Variants in THBS2 observed in about 807,000 individuals in gnomAD.
The protein encoded by THBS2 is thrombospondin-2.
Under a neutral mutation model 135.2 loss-of-function variants are expected in THBS2, and 47 were observed. The observed-to-expected ratio is 0.35, with a 90% confidence interval of 0.28 to 0.44. THBS2 has a LOEUF of 0.44. Among genes scored for constraint, THBS2 ranks in the 20% least tolerant of loss-of-function variants. The pLI is 1.00. For missense variants in THBS2, 1,288 were observed against 1,603.1 expected (o/e 0.80, Z 3.36); for synonymous variants, 639 against 633.8 (o/e 1.01, Z -0.12).
chr6:169,240,829 G>A (rs975128483), intron 5 of THBS2, among the ~76,000 whole-genome samples: 1 of 152,170 alleles, frequency 6.6e-6, no homozygotes, highest in African/African-American at 2.4e-5. Context: ...CCTTCCTGGA[G>A]AGCGGAAATC....
chr6:169,253,168 A>G (rs1780810325), intron 1 of THBS2, among the ~76,000 whole-genome samples: 1 of 152,214 alleles, frequency 6.6e-6, no homozygotes, highest in South Asian at 2.1e-4. Flanking sequence ...AATGTTAACA[A>G]TCAGAGTCTC....
rs1052960312 is a variant in THBS2, at chr6:169,252,388, C to T, written c.-23+1336G>A. On this transcript the variant is annotated intron_variant, in intron 1 of 21. Coordinates refer to ENST00000617924, the MANE Select transcript of THBS2 (RefSeq NM_003247.5). This position sits in a 1 kb window ranked among gnomAD's most constrained non-coding sequence, Gnocchi z 4.3. Reference sequence around the variant, plus strand: ...CCCACCTCCCCACCTCATCAGCCCACACTGCCGGGTACGTCGCAGTCCCCT... The same window carrying T: ...CCCACCTCCCCACCTCATCAGCCCATACTGCCGGGTACGTCGCAGTCCCCT... Among the ~76,000 whole-genome samples, 8 of 152,212 alleles carry T rather than the reference C, an allele frequency of 5.3e-5. No individual in the cohort carries two copies. Among genetic ancestry groups the T allele is most frequent in the Non-Finnish European group, 1.2e-4 (8 of 68,040 alleles).
In THBS2 at chr6:169,220,352, TAAA is replaced by T. The variant is rs754895080; in HGVS notation, c.3372-18_3372-16del. The stretch of plus-strand genomic sequence containing the variant: ...GCACTAAGACTCTAAAAATGGTGTT[TAAA>T]AAGAAGAAGAGGAAAGAAAGACAAC... On this transcript the variant is annotated splice_polypyrimidine_tract_variant and intron_variant, in intron 20 of 21. Coordinates refer to ENST00000617924, the MANE Select transcript of THBS2 (RefSeq NM_003247.5). 1.3e-6 allele frequency: 2 copies of T among 1,588,534 alleles called. No individual in the cohort carries two copies. Among genetic ancestry groups the T allele is most frequent in the South Asian group, 2.3e-5 (2 of 88,820 alleles).
rs1780785881 is a variant in THBS2, at chr6:169,252,383, G to A, written c.-23+1341C>T. ...CTCTTCCCACCTCCCCACCTCATCA[G>A]CCCACACTGCCGGGTACGTCGCAGT... On this transcript the variant is annotated intron_variant, in intron 1 of 21. Transcript: ENST00000617924. This position sits in a 1 kb window ranked among gnomAD's most constrained non-coding sequence, Gnocchi z 4.3. Among the ~76,000 whole-genome samples the A allele has an allele frequency of 2.0e-5, 3 of 152,156 alleles. No individual in the cohort carries two copies. The highest frequency in any genetic ancestry group is 7.2e-5 in the African/African-American group (3 of 41,440).
chr6:169,233,108 G>A, intron 10 of THBS2, 91 bp from the exon 11 acceptor site: 1 of 1,417,414 alleles, frequency 7.1e-7, no homozygotes, highest in East Asian at 2.5e-5. Context: ...ACTCTGGGAT[G>A]TCTTTGTCAT....
In THBS2 at chr6:169,225,129, C is replaced by T. The variant is rs1375807057; in HGVS notation, c.2773+16G>A. On this transcript the variant is annotated intron_variant, in intron 17 of 21. Coordinates refer to ENST00000617924, the MANE Select transcript of THBS2 (RefSeq NM_003247.5). ...AGCCATTTTCCTCCACGCCCATGAGCTGAGAGAGCACCCACCGTCCAAGTC... is the reference window on the plus strand; with the variant it reads ...AGCCATTTTCCTCCACGCCCATGAGTTGAGAGAGCACCCACCGTCCAAGTC... 6.2e-7 allele frequency: 1 copy of T among 1,613,148 alleles called. No individual in the cohort carries two copies. The highest frequency in any genetic ancestry group is 1.3e-5 in the African/African-American group (1 of 75,028).
At chr6:169,239,891 A>G (rs925019652) in intron 6 of THBS2, among the ~76,000 whole-genome samples, 196 bp from the exon 7 acceptor site, 2 of 152,182 alleles carry the variant, frequency 1.3e-5, no homozygotes, top group Admixed American at 6.5e-5. Flanking sequence ...GGGCCCCCAG[A>G]TGGCTCTTTG....
chr6:169,230,878 C>A (rs61466784), intron 13 of THBS2, among the ~76,000 whole-genome samples: 30,944 of 151,808 alleles, frequency 0.2, 3,361 homozygotes, highest in African/African-American at 0.26. Flanking sequence ...TTTAATCAAG[C>A]GGGACTGACA....
chr6:169,223,377 C>T lies in THBS2; in HGVS notation c.2872G>A (p.Asp958Asn). The change falls in exon 18 of 22, where the codon GAC becomes AAC. Residue 958 changes from aspartate (D) to asparagine (N), a missense_variant. By Grantham distance (23) the Asp-to-Asn change is conservative. Coordinates refer to ENST00000617924, the MANE Select transcript of THBS2 (RefSeq NM_003247.5). Reference protein sequence around the residue: ...CPENNAISETDFRNFQMVPLD... With the variant: ...CPENNAISETNFRNFQMVPLD... Reference sequence around the variant, plus strand: ...GGGACCATCTGGAAGTTCCTGAAGTCTGTCTCACTGATGGCATTGTTTTCA... The same window carrying T: ...GGGACCATCTGGAAGTTCCTGAAGTTTGTCTCACTGATGGCATTGTTTTCA... 6.2e-7 allele frequency: 1 copy of T among 1,614,196 alleles called. No homozygotes were observed. Among genetic ancestry groups the T allele is most frequent in the Non-Finnish European group, 8.5e-7 (1 of 1,180,046 alleles).
At chr6:169,228,952 A>G (rs184175387) in intron 14 of THBS2, among the ~76,000 whole-genome samples, 2 of 151,750 alleles carry the variant, frequency 1.3e-5, no homozygotes, top group Non-Finnish European at 1.5e-5. Flanking sequence ...CACTTTTTCC[A>G]TATCAAATCA....
chr6:169,229,726 G>A (rs201232461), intron 13 of THBS2, 47 bp from the exon 14 acceptor site: 30 of 1,491,968 alleles, frequency 2.0e-5, no homozygotes, highest in African/African-American at 5.5e-5. Context: ...TTAGGAAAGC[G>A]CCTCTTTCAG....
At chr6:169,249,802 G>A (rs746820626) in intron 2 of THBS2, among the ~76,000 whole-genome samples, 33 of 152,134 alleles carry the variant, frequency 2.2e-4, no homozygotes, top group Non-Finnish European at 4.0e-4. Flanking sequence ...AGGCCGAGGT[G>A]GGTGGATCAT....
intron 21 of THBS2, among the ~76,000 whole-genome samples, chr6:169,219,357 T>G (rs1583402650): frequency 1.4e-5 from 2 of 140,280 alleles, no homozygotes; most frequent in Non-Finnish European, 3.1e-5. Flanking sequence ...GATGGATGGT[T>G]GGGTGAATGG....
rs765238898 is a variant in THBS2 at position 169,248,851 on chromosome 6, G to A, written c.175C>T (p.Arg59Cys). 1.9e-6 allele frequency: 3 copies of A among 1,611,452 alleles called. No individual in the cohort carries two copies. The highest frequency in any genetic ancestry group is 2.5e-6 in the Non-Finnish European group (3 of 1,180,006). ...TTCACCGGTGGGATGTAGTCAAAGCGCACGAAGCGGTAAGCCGGCACGCCG... is the reference window on the plus strand; with the variant it reads ...TTCACCGGTGGGATGTAGTCAAAGCACACGAAGCGGTAAGCCGGCACGCCG... ...DPGVPAYRFVRFDYIPPVNAD... is the reference protein window; with the variant it reads ...DPGVPAYRFVCFDYIPPVNAD... Residue 59 changes from arginine to cysteine, a missense_variant, in exon 3 of 22, where the codon CGC (arginine) becomes TGC (cysteine). Transcript: ENST00000617924.
At position 169,241,415 on chromosome 6, in the gene THBS2, GTATGTGTGTGTA is replaced by G. The variant is rs1473662979; in HGVS notation, c.891+335_891+346del. ...TTCCTCTGCAGGTGTGTGTGTGTGT[GTATGTGTGTGTA>G]TGTGTGTGTGTATGTGTGTGTGTGT... On this transcript the variant is annotated intron_variant, in intron 5 of 21. Transcript: ENST00000617924. The surrounding 1 kb of genome is among the most constrained non-coding windows in gnomAD (Gnocchi z 5.5). Among the ~76,000 whole-genome samples, 5 of 140,258 alleles carry G rather than the reference GTATGTGTGTGTA, an allele frequency of 3.6e-5. No individual in the cohort carries two copies. In the East Asian group the frequency reaches 8.4e-4, roughly 24 times the overall value. The allele number at this position is 140,258 out of a possible 152,430, so 92.0% of individuals were successfully genotyped here.
intron 9 of THBS2, 149 bp downstream of exon 9, chr6:169,237,021 C>T: frequency 1.1e-6 from 1 of 879,004 alleles, no homozygotes; most frequent in Non-Finnish European, 1.7e-6. Context: ...CGAGCCAGGC[C>T]CGGGATGGCA....
intron 3 of THBS2, among the ~76,000 whole-genome samples, chr6:169,248,184 T>C (rs1027507886): frequency 4.0e-5 from 6 of 151,844 alleles, no homozygotes; most frequent in Non-Finnish European, 7.4e-5. Flanking sequence ...TTTGTGTGTG[T>C]GTGTGGTGTG....
chr6:169,233,441 A>G (rs1779922706), intron 10 of THBS2, among the ~76,000 whole-genome samples: 1 of 151,636 alleles, frequency 6.6e-6, no homozygotes, highest in South Asian at 2.1e-4. Flanking sequence ...ACCATGTTCC[A>G]GACCATACAA....
rs1256148823 is a variant in THBS2, at chr6:169,216,970, C to G, written c.*852G>C. 1 of 152,246 alleles carries G rather than the reference C, an allele frequency of 6.6e-6. No homozygotes were observed. The highest frequency in any genetic ancestry group is 1.9e-4 in the East Asian group (1 of 5,202). The allele number at this position is 152,246 out of a possible 1,614,324, so 9.4% of individuals were successfully genotyped here. A position where few individuals can be genotyped will look rare whatever the true frequency, so the allele number is the denominator to read the frequency against. On this transcript the variant is annotated 3_prime_UTR_variant, in exon 22 of 22. Coordinates refer to ENST00000617924, the MANE Select transcript of THBS2 (RefSeq NM_003247.5). ...GTCTGCTCTGGTTCCTCTCAGGCAG[C>G]AAAGCTGGGGAAGGAAGCTCAGGCA... is the stretch of plus-strand genomic sequence containing the variant.
Sources: allele counts gnomAD v4.1 joint callset (sites outside exome capture counted in the v4.1 genomes callset), GRCh38; gene constraint gnomAD v4.1.1; non-coding constraint Gnocchi (gnomAD v3.1); transcripts MANE v1.5; gene names NCBI Gene and HGNC (gene_info 2026-07-23, HGNC 2026-07-21).